PLEKHB2: variants seen among roughly 807,000 people sequenced by gnomAD.
The protein encoded by PLEKHB2 is pleckstrin homology domain containing B2, also known as pleckstrin homology domain-containing family B member 2.
PLEKHB2 carries 31 observed loss-of-function variants against 36.5 expected under a neutral mutation model. The ratio of observed to expected loss-of-function variants is 0.85; its 90% confidence interval spans 0.64 to 1.15. PLEKHB2 has a LOEUF of 1.15. Among genes scored for constraint, PLEKHB2 ranks in the 50% most tolerant of loss-of-function variants. The probability of loss-of-function intolerance (pLI) is 0.00; values close to 1 mark genes in which losing one functional copy is unlikely to be tolerated. For synonymous variants in PLEKHB2, 119 were observed against 112.0 expected (o/e 1.06, Z -0.39); for missense variants, 262 against 295.3 (o/e 0.89, Z 0.83).
chr2:131,143,959 C>G (rs1470193229), intron 7 of PLEKHB2, among the ~76,000 whole-genome samples: 1 of 152,180 alleles, frequency 6.6e-6, no homozygotes, highest in Non-Finnish European at 1.5e-5. Flanking sequence ...AGGCAGTACT[C>G]GGAATGCTTG....
chr2:131,132,695 G>C (rs1181076695), intron 5 of PLEKHB2, among the ~76,000 whole-genome samples: 1 of 152,176 alleles, frequency 6.6e-6, no homozygotes, highest in Non-Finnish European at 1.5e-5. Context: ...GCCGAGTGAG[G>C]ACCACTTTGC....
rs545197917 is a variant in PLEKHB2, at chr2:131,129,480, A to G, written c.294-1241A>G. Among the ~76,000 whole-genome samples, 15 of 152,230 alleles carry G rather than the reference A, an allele frequency of 9.9e-5. No individual in the cohort carries two copies. In the South Asian group the frequency reaches 3.1e-3, roughly 32 times the overall value. Reference sequence around the variant, plus strand: ...GGGTCAGTAAGAAAAGTAAGGGGTAAAGGAGTGAGGGAGTGCACAAGAGAA... The same window carrying G: ...GGGTCAGTAAGAAAAGTAAGGGGTAGAGGAGTGAGGGAGTGCACAAGAGAA... On this transcript the variant is annotated intron_variant, in intron 4 of 7. Coordinates refer to ENST00000693505, the MANE Select transcript of PLEKHB2 (RefSeq NM_001100623.2).
Position 131,146,914 on chromosome 2 carries a change from T to A in PLEKHB2, c.*141T>A. On this transcript the variant is annotated 3_prime_UTR_variant, in exon 8 of 8. Coordinates refer to ENST00000693505, the MANE Select transcript of PLEKHB2 (RefSeq NM_001100623.2). ...GAAAGTAGTGATGTCATAATTGTAC[T>A]AATCCACATAAGTACCACAGAGAAG... 1 of 689,940 alleles carries A rather than the reference T, an allele frequency of 1.4e-6. No homozygotes were observed. The highest frequency in any genetic ancestry group is 2.3e-6 in the Non-Finnish European group (1 of 426,296). 42.7% of individuals were successfully genotyped at this position (689,940 alleles called of 1,614,324 possible). A position where few individuals can be genotyped will look rare whatever the true frequency, so the allele number is the denominator to read the frequency against.
At chr2:131,113,454 T>C (rs1032568390) in intron 1 of PLEKHB2, among the ~76,000 whole-genome samples, 6 of 152,212 alleles carry the variant, frequency 3.9e-5, no homozygotes, top group Non-Finnish European at 7.3e-5. Flanking sequence ...ATGTTGATTG[T>C]TGTGACGTGA....
Position 131,135,133 on chromosome 2 carries a change from G to A in PLEKHB2, c.423+2142G>A, listed in dbSNP as rs547748653. On this transcript the variant is annotated intron_variant, in intron 6 of 7. Coordinates refer to ENST00000693505, the MANE Select transcript of PLEKHB2 (RefSeq NM_001100623.2). ...ATTGCCCAGGCTGGAGTGCAGTGGC[G>A]CGATCTTGGCTGACTGCACCCTCCG... 1.5e-3 allele frequency among the ~76,000 whole-genome samples: 229 copies of A among 151,922 alleles called. 1 individual carries two copies. Among genetic ancestry groups the A allele is most frequent in the African/African-American group, 5.0e-3 (206 of 41,442 alleles).
chr2:131,145,986 T>C (rs1699248489), intron 7 of PLEKHB2, among the ~76,000 whole-genome samples: 1 of 151,878 alleles, frequency 6.6e-6, no homozygotes, highest in Non-Finnish European at 1.5e-5. Flanking sequence ...ATCGAGACCA[T>C]CCTGGCTAAC....
intron 4 of PLEKHB2, among the ~76,000 whole-genome samples, chr2:131,129,324 C>CAA (rs1168039416): frequency 3.0e-4 from 15 of 49,986 alleles, no homozygotes; most frequent in African/African-American, 3.4e-4. Flanking sequence ...GACTCCATCT[C>CAA]AAAAAAAAAA....
At chr2:131,129,544 G>C (rs938876420) in intron 4 of PLEKHB2, among the ~76,000 whole-genome samples, 1 of 152,188 alleles carries the variant, frequency 6.6e-6, no homozygotes, top group Admixed American at 6.5e-5. Flanking sequence ...CGCTCTTGTT[G>C]CCCAGGCTAG....
chr2:131,130,788 A>ATTTT, intron 5 of PLEKHB2, 28 bp downstream of exon 5: 1 of 1,307,204 alleles, frequency 7.6e-7, no homozygotes. Flanking sequence ...ATCACCAATA[A>ATTTT]TTTTTTTTTT....
At chr2:131,136,376 T>A (rs185389532) in intron 6 of PLEKHB2, among the ~76,000 whole-genome samples, 3,296 of 146,990 alleles carry the variant, frequency 0.022, 170 homozygotes, top group African/African-American at 0.075. Flanking sequence ...TGCAAAAAAA[T>A]TTTTTTTTTT....
intron 1 of PLEKHB2, among the ~76,000 whole-genome samples, chr2:131,112,665 T>A (rs1695447211): frequency 6.6e-6 from 1 of 152,200 alleles, no homozygotes; most frequent in Admixed American, 6.5e-5. Context: ...GGCTGTATAT[T>A]GTTCTTTGTA....
intron 1 of PLEKHB2, among the ~76,000 whole-genome samples, chr2:131,114,481 A>C (rs536921193): frequency 1.1e-4 from 16 of 152,278 alleles, no homozygotes; most frequent in Admixed American, 9.8e-4. Context: ...CTTGTTACTT[A>C]TGCAAATTTC....
intron 6 of PLEKHB2, among the ~76,000 whole-genome samples, chr2:131,139,012 C>G (rs964264310): frequency 6.6e-6 from 1 of 152,234 alleles, no homozygotes; most frequent in African/African-American, 2.4e-5. Flanking sequence ...GCTCTTCACA[C>G]TTGGCGTTTG....
chr2:131,129,324 CAAAAAAAAAAAA>C (rs1168039416), intron 4 of PLEKHB2, among the ~76,000 whole-genome samples: 3 of 49,982 alleles, frequency 6.0e-5, no homozygotes, highest in South Asian at 1.1e-3. Context: ...GACTCCATCT[CAAAAAAAAAAAA>C]AAAAAAAAAA....
chr2:131,123,547 CAG>C (rs1318007052), intron 2 of PLEKHB2, among the ~76,000 whole-genome samples: 11 of 152,162 alleles, frequency 7.2e-5, no homozygotes, highest in African/African-American at 2.7e-4. Flanking sequence ...TTGTTTGAGA[CAG>C]AGTCTTGCTT....
At chr2:131,132,446 A>G (rs1477424976) in intron 5 of PLEKHB2, among the ~76,000 whole-genome samples, 2 of 152,138 alleles carry the variant, frequency 1.3e-5, no homozygotes, top group African/African-American at 4.8e-5. Flanking sequence ...AGCTGGGGCC[A>G]TAAGCACCAT....
chr2:131,135,221 GCCACCA>G (rs1306096345), intron 6 of PLEKHB2, among the ~76,000 whole-genome samples: 2 of 151,970 alleles, frequency 1.3e-5, no homozygotes, highest in Non-Finnish European at 1.5e-5. Flanking sequence ...ACAGGCACGT[GCCACCA>G]CACTAATTTT....
At chr2:131,128,414 G>A (rs1002403612) in intron 4 of PLEKHB2, among the ~76,000 whole-genome samples, 7 of 152,156 alleles carry the variant, frequency 4.6e-5, no homozygotes, top group African/African-American at 1.7e-4. Flanking sequence ...AGAAACAGGA[G>A]CAGAGTCTTC....
rs934691750 is a variant in PLEKHB2, at chr2:131,125,985, G to A, written c.190+80G>A. 2.2e-6 allele frequency: 3 copies of A among 1,394,896 alleles called. No individual in the cohort carries two copies. The South Asian group carries it at 3.7e-5, about 17-fold the overall frequency. 86.4% of individuals were successfully genotyped at this position (1,394,896 alleles called of 1,614,324 possible). ...GGGAGCTTGGTCCTCTTCCTTCCCT[G>A]TTCTGCTTTCATTAACAGATTGAAG... is the stretch of plus-strand genomic sequence containing the variant. On this transcript the variant is annotated intron_variant, in intron 3 of 7. Coordinates refer to ENST00000693505, the MANE Select transcript of PLEKHB2 (RefSeq NM_001100623.2).
Sources: allele counts gnomAD v4.1 joint callset (sites outside exome capture counted in the v4.1 genomes callset), GRCh38; gene constraint gnomAD v4.1.1; transcripts MANE v1.5; gene names NCBI Gene and HGNC (gene_info 2026-07-23, HGNC 2026-07-21).